CCSER2: variants seen among roughly 807,000 people sequenced by gnomAD.
CCSER2 encodes coiled-coil serine rich protein 2.
A neutral mutation model predicts 92.3 loss-of-function variants in CCSER2; 46 were observed. The ratio of observed to expected loss-of-function variants is 0.50; its 90% CI spans 0.39 to 0.64. The LOEUF is 0.64. Ranked by LOEUF, CCSER2 falls within the 30% of genes least tolerant of loss-of-function variation. CCSER2 has a pLI of 0.00. For missense variants in CCSER2, 1,244 were observed against 1,238.9 expected, an observed-to-expected ratio of 1.00 and a Z score of -0.06; for synonymous variants, 433 against 431.4, an observed-to-expected ratio of 1.00 and a Z score of -0.04.
chr10:84,355,512 T>C (rs1165555257), intron 1 of CCSER2, among the ~76,000 whole-genome samples: 1 of 152,222 alleles, frequency 6.6e-6, no homozygotes, highest in Non-Finnish European at 1.5e-5. Context: ...ACTTTCTTTT[T>C]TGTTCCCCCA....
At chr10:84,468,390 C>G (rs1402914367) in intron 7 of CCSER2, among the ~76,000 whole-genome samples, 1 of 152,054 alleles carries the variant, frequency 6.6e-6, no homozygotes, top group East Asian at 1.9e-4. Flanking sequence ...TGCTAATTGC[C>G]CTGATCTAAT....
intron 1 of CCSER2, among the ~76,000 whole-genome samples, chr10:84,343,949 A>T (rs1321728773): frequency 6.6e-6 from 1 of 152,202 alleles, no homozygotes; most frequent in African/African-American, 2.4e-5. Context: ...TACTGTGAAG[A>T]TGCTGTTTAA....
At chr10:84,493,747 G>C (rs1373755375) in intron 9 of CCSER2, among the ~76,000 whole-genome samples, 1 of 152,174 alleles carries the variant, frequency 6.6e-6, no homozygotes, top group East Asian at 1.9e-4. Context: ...GAGGGTTGTG[G>C]GAGCAGTGTG....
At chr10:84,501,822 G>GA (rs11461623) in intron 9 of CCSER2, among the ~76,000 whole-genome samples, 2,563 of 29,014 alleles carry the variant, frequency 0.088, 416 homozygotes, top group Admixed American at 0.17. Context: ...GTCATCTAGG[G>GA]AAAAAAAAAA....
At chr10:84,457,320 A>G (rs543267135) in intron 6 of CCSER2, among the ~76,000 whole-genome samples, 14 of 80,662 alleles carry the variant, frequency 1.7e-4, no homozygotes, top group East Asian at 1.3e-3. Flanking sequence ...TATATAATAT[A>G]TTATATATAA....
At chr10:84,389,367 T>A (rs990400041) in intron 3 of CCSER2, 11 of 519,864 alleles carry the variant, frequency 2.1e-5, no homozygotes, top group South Asian at 9.8e-5. Context: ...TCACCTTGTT[T>A]AATATTTTCC....
chr10:84,418,634 C>G (rs988073495), intron 4 of CCSER2, among the ~76,000 whole-genome samples: 4 of 152,132 alleles, frequency 2.6e-5, no homozygotes, highest in African/African-American at 9.7e-5. Flanking sequence ...ATCCATGGTG[C>G]TAGAAAAATG....
chr10:84,404,507 A>G (rs1057170517), intron 3 of CCSER2, among the ~76,000 whole-genome samples: 8 of 152,190 alleles, frequency 5.3e-5, no homozygotes, highest in Admixed American at 4.6e-4. Flanking sequence ...AAGCTGCTTG[A>G]TTTTGTTTCA....
chr10:84,481,708 A>G (rs1287603475), intron 9 of CCSER2, among the ~76,000 whole-genome samples: 2 of 152,150 alleles, frequency 1.3e-5, no homozygotes, highest in Non-Finnish European at 2.9e-5. Context: ...TGTTTTCAGC[A>G]TTGAGGACCA....
In CCSER2 at chr10:84,473,936, A is replaced by G. The variant is rs149894504; in HGVS notation, c.2235+3478A>G. 1.3e-5 allele frequency among the ~76,000 whole-genome samples: 2 copies of G among 152,250 alleles called. 1 individual carries two copies. The highest frequency in any genetic ancestry group is 4.1e-4 in the South Asian group (2 of 4,824). On this transcript the variant is annotated intron_variant, in intron 8 of 9. Coordinates refer to ENST00000372088, the MANE Select transcript of CCSER2 (RefSeq NM_001284240.2). ...TTTAAAAAATATACATTCAACTCCA[A>G]CCTATGTTTGCATGCAAACCTTCAT...
intron 1 of CCSER2, among the ~76,000 whole-genome samples, chr10:84,353,560 G>GC (rs1409371543): frequency 6.6e-6 from 1 of 152,108 alleles, no homozygotes; most frequent in Admixed American, 6.5e-5. Context: ...ACTTCCTGCA[G>GC]CCCCATTCAG....
At chr10:84,466,042 G>A (rs1846407336) in intron 7 of CCSER2, among the ~76,000 whole-genome samples, 1 of 152,144 alleles carries the variant, frequency 6.6e-6, no homozygotes, top group Admixed American at 6.6e-5. Flanking sequence ...CCGGCCATAT[G>A]ATAGACATTT....
chr10:84,499,024 A>G (rs1181259004), intron 9 of CCSER2, among the ~76,000 whole-genome samples: 2 of 152,228 alleles, frequency 1.3e-5, no homozygotes, highest in Admixed American at 1.3e-4. Context: ...AGTGGCCTAC[A>G]TGTCACATTA....
intron 1 of CCSER2, among the ~76,000 whole-genome samples, chr10:84,340,318 C>T (rs573604114): frequency 2.6e-5 from 4 of 152,172 alleles, no homozygotes; most frequent in African/African-American, 4.8e-5. Context: ...TGTTTGTTTT[C>T]GTGACAGGTT....
At chr10:84,395,223 TAA>T (rs34500936) in intron 3 of CCSER2, among the ~76,000 whole-genome samples, 200 of 129,270 alleles carry the variant, frequency 1.5e-3, no homozygotes, top group Admixed American at 3.6e-3. Context: ...GACCCTGTCT[TAA>T]AAAAAAAAAA....
At position 84,501,842 on chromosome 10, in the gene CCSER2, T is replaced by A. The variant is rs1212376952; in HGVS notation, c.2326-11607T>A. ...CTAGGGAAAAAAAAAAAAATATATA[T>A]ATATATATATATATATACTCATATA... is the stretch of plus-strand genomic sequence containing the variant. On this transcript the variant is annotated intron_variant, in intron 9 of 9. Transcript: ENST00000372088. 1.6e-3 allele frequency among the ~76,000 whole-genome samples: 149 copies of A among 92,834 alleles called. 5 individuals are homozygous for A. Among genetic ancestry groups the A allele is most frequent in the African/African-American group, 3.2e-3 (103 of 32,442 alleles). 60.9% of individuals were successfully genotyped at this position (92,834 alleles called of 152,430 possible).
chr10:84,449,043 A>G (rs188883020), intron 6 of CCSER2, among the ~76,000 whole-genome samples: 5 of 152,330 alleles, frequency 3.3e-5, no homozygotes, highest in Admixed American at 1.3e-4. Flanking sequence ...CTGAATCTCT[A>G]CGTTTCAATG....
intron 1 of CCSER2, among the ~76,000 whole-genome samples, chr10:84,358,886 T>C (rs756576204): frequency 3.9e-5 from 6 of 152,140 alleles, no homozygotes; most frequent in Non-Finnish European, 8.8e-5. Context: ...GTGTCAGGCA[T>C]TGCTGAGAAA....
intron 1 of CCSER2, among the ~76,000 whole-genome samples, chr10:84,336,435 G>A (rs868035596): frequency 2.0e-5 from 3 of 152,224 alleles, no homozygotes; most frequent in East Asian, 1.9e-4. Context: ...GGGTGATGCT[G>A]CTGTTTTATC....
Sources: gnomAD v4.1 joint callset for allele counts (sites outside exome capture counted in the v4.1 genomes callset) on GRCh38, gnomAD v4.1.1 for gene constraint, MANE v1.5 for transcripts, NCBI Gene and HGNC (gene_info 2026-07-23, HGNC 2026-07-21) for gene names.